TRDN: variants seen among roughly 807,000 people sequenced by gnomAD.
TRDN encodes triadin, also known as triadin in skeletal muscle.
In TRDN, 161 loss-of-function variants were observed where a neutral mutation model predicts 149.7. The observed-to-expected ratio is 1.08, with a 90% CI of 0.95 to 1.23. The LOEUF (loss-of-function observed/expected upper bound fraction) is 1.23. Among genes scored for constraint, TRDN ranks in the 50% most tolerant of loss-of-function variants. The pLI is 0.00. For synonymous variants in TRDN, 294 were observed against 250.5 expected (o/e 1.17, Z -1.64); for missense variants, 896 against 823.5 (o/e 1.09, Z -1.08).
chr6:123,504,371 G>A (rs1048179949), intron 7 of TRDN, among the ~76,000 whole-genome samples: 5 of 151,952 alleles, frequency 3.3e-5, no homozygotes, highest in Non-Finnish European at 5.9e-5. Context: ...AAACTGAAAT[G>A]CCAACAAAGT....
chr6:123,330,823 T>C (rs1290624296), intron 23 of TRDN, among the ~76,000 whole-genome samples: 1 of 152,012 alleles, frequency 6.6e-6, no homozygotes, highest in African/African-American at 2.4e-5. Flanking sequence ...TTCATTCCTC[T>C]TACTCATCTT....
At chr6:123,344,419 C>T (rs143888467) in intron 21 of TRDN, among the ~76,000 whole-genome samples, 1 of 152,010 alleles carries the variant, frequency 6.6e-6, no homozygotes, top group Non-Finnish European at 1.5e-5. Context: ...ATTCTCTATG[C>T]TCCACCTATT....
chr6:123,579,109 A>T (rs560359764), intron 1 of TRDN, among the ~76,000 whole-genome samples: 2 of 152,248 alleles, frequency 1.3e-5, no homozygotes, highest in East Asian at 3.9e-4. Flanking sequence ...AAATAGTTTG[A>T]CTTTCTATCT....
chr6:123,437,994 A>G (rs1774667048), intron 12 of TRDN, 69 bp downstream of exon 12: 1 of 1,329,158 alleles, frequency 7.5e-7, no homozygotes, highest in Admixed American at 2.0e-5. Flanking sequence ...TGTATGTTGC[A>G]TGAGGAGTCT....
At chr6:123,464,795 T>C (rs1583081107) in intron 10 of TRDN, 111 bp downstream of exon 10, 4 of 1,496,778 alleles carry the variant, frequency 2.7e-6, no homozygotes, top group East Asian at 2.5e-5. Context: ...TAAAAGTATT[T>C]AAGAAAATAT....
chr6:123,444,616 C>G (rs1489683791), intron 10 of TRDN, among the ~76,000 whole-genome samples: 2 of 150,550 alleles, frequency 1.3e-5, no homozygotes, highest in East Asian at 3.9e-4. Flanking sequence ...AAAGGGAATG[C>G]TTCCAGTTTT....
intron 14 of TRDN, among the ~76,000 whole-genome samples, chr6:123,385,423 CA>C (rs71722709): frequency 0.45 from 37,114 of 82,818 alleles, 5,583 homozygotes; most frequent in East Asian, 0.68. Flanking sequence ...GACTCCATCT[CA>C]AAAAAAAAAA....
Position 123,393,656 on chromosome 6 carries a change from GT to G in TRDN, c.1072del (p.Thr358ProfsTer6). ...TGCAATTTTTACAGTCCCTTGTTTG[GT>G]TTCAGAAGCTTTTCCCGGCTCTTGG... ...EKKEPGKASE[T>X]KQGTVKIAAQ... On this transcript the variant is annotated frameshift_variant, in exon 13 of 41. Coordinates refer to ENST00000334268, the MANE Select transcript of TRDN (RefSeq NM_006073.4). LOFTEE classifies it high-confidence loss of function. The G allele has an allele frequency of 6.2e-7, 1 of 1,606,738 alleles. No individual in the cohort carries two copies. Among genetic ancestry groups the G allele is most frequent in the South Asian group, 1.1e-5 (1 of 90,002 alleles).
chr6:123,586,842 G>A (rs375685436), intron 1 of TRDN, among the ~76,000 whole-genome samples: 13 of 152,088 alleles, frequency 8.5e-5, no homozygotes, highest in Middle Eastern at 3.4e-3. Flanking sequence ...CCAGAAAAGC[G>A]GGAAAGGGGT....
At chr6:123,424,385 C>T (rs1162008884) in intron 12 of TRDN, among the ~76,000 whole-genome samples, 1 of 152,024 alleles carries the variant, frequency 6.6e-6, no homozygotes, top group Non-Finnish European at 1.5e-5. Flanking sequence ...CATTTTACAG[C>T]AAAGTTGAAG....
intron 38 of TRDN, among the ~76,000 whole-genome samples, chr6:123,251,532 G>A (rs574948024): frequency 3.6e-4 from 54 of 151,520 alleles, no homozygotes; most frequent in Middle Eastern, 6.9e-3. Context: ...CACTTGTTTT[G>A]TTTTGTCTTT....
chr6:123,503,411 T>C (rs1373387762), intron 8 of TRDN: 1 of 985,196 alleles, frequency 1.0e-6, no homozygotes, highest in Non-Finnish European at 1.2e-6. Context: ...CACCTCTTAA[T>C]AGACATTCCA....
intron 10 of TRDN, among the ~76,000 whole-genome samples, chr6:123,443,260 G>A (rs1775045749): frequency 1.3e-5 from 2 of 148,830 alleles, no homozygotes; most frequent in South Asian, 4.2e-4. Flanking sequence ...TTTTGGACAA[G>A]TGATGATAAA....
intron 33 of TRDN, among the ~76,000 whole-genome samples, chr6:123,261,196 T>C (rs1425790338): frequency 6.6e-6 from 1 of 151,824 alleles, no homozygotes; most frequent in East Asian, 1.9e-4. Flanking sequence ...AAAATTGGTT[T>C]TCTTAGTTAC....
At chr6:123,493,947 G>A (rs566913674) in intron 9 of TRDN, among the ~76,000 whole-genome samples, 1 of 152,160 alleles carries the variant, frequency 6.6e-6, no homozygotes, top group East Asian at 1.9e-4. Context: ...TTTTGTTTAG[G>A]TACATTTACA....
chr6:123,302,552 A>G (rs1401459261), intron 24 of TRDN, among the ~76,000 whole-genome samples: 3 of 152,140 alleles, frequency 2.0e-5, no homozygotes, highest in Admixed American at 6.6e-5. Context: ...ACCGTTAGTT[A>G]GCAAGCATTG....
chr6:123,407,177 A>G (rs1158669477), intron 12 of TRDN, among the ~76,000 whole-genome samples: 1 of 152,164 alleles, frequency 6.6e-6, no homozygotes, highest in African/African-American at 2.4e-5. Context: ...TCCTGATTTC[A>G]CCCAAGGGGT....
intron 5 of TRDN, among the ~76,000 whole-genome samples, chr6:123,519,473 G>GTTTTTTTTTTTTTTTTTTTTTT (rs762378636): frequency 2.7e-5 from 2 of 73,928 alleles, no homozygotes; most frequent in African/African-American, 7.3e-5. Flanking sequence ...TGACCCTGTG[G>GTTTTTTTTTTTTTTTTTTTTTT]TTTTTTTTTT....
At chr6:123,351,182 T>C in intron 21 of TRDN, 1 of 984,224 alleles carries the variant, frequency 1.0e-6, no homozygotes, top group Non-Finnish European at 1.2e-6. Context: ...TGATAATTTA[T>C]GTCATCTGTG....
Sources: gnomAD v4.1 joint callset for allele counts (sites outside exome capture counted in the v4.1 genomes callset) on GRCh38, gnomAD v4.1.1 for gene constraint, MANE v1.5 for transcripts, NCBI Gene and HGNC (gene_info 2026-07-23, HGNC 2026-07-21) for gene names.